KIFAP3: variants seen among roughly 807,000 people sequenced by gnomAD.
KIFAP3 encodes the protein kinesin associated protein 3.
A neutral mutation model predicts 106.5 loss-of-function variants in KIFAP3; 68 were observed. The observed-to-expected ratio is 0.64, with a 90% CI of 0.53 to 0.78. KIFAP3 has a LOEUF of 0.78. Ranked by LOEUF, KIFAP3 falls within the 30% of genes least tolerant of loss-of-function variation. The probability of loss-of-function intolerance (pLI) is 0.00; values close to 1 mark genes in which losing one functional copy is unlikely to be tolerated. For synonymous variants in KIFAP3, 320 were observed against 311.5 expected, an observed-to-expected ratio of 1.03 and a Z score of -0.29; for missense variants, 780 against 941.8, an observed-to-expected ratio of 0.83 and a Z score of 2.25.
In KIFAP3 at chr1:169,982,774, G is replaced by A; in HGVS notation, c.1600C>T (p.Pro534Ser). ...CLGTLANLTI[P>S]DLDWELVLKE... Reference sequence around the variant, plus strand: ...AGAACCAATTCCCAGTCTAAGTCTGGAATGGTCAAGTTTGCAAGAGTTCCC... The same window carrying A: ...AGAACCAATTCCCAGTCTAAGTCTGAAATGGTCAAGTTTGCAAGAGTTCCC... The change falls in exon 14 of 20, where the codon CCA (proline) becomes TCA (serine). Residue 534 changes from proline to serine, a missense_variant. By Grantham distance (74) the Pro-to-Ser change is moderately conservative (BLOSUM62 -1). Coordinates refer to ENST00000361580, the MANE Select transcript of KIFAP3 (RefSeq NM_014970.4). 1 of 1,609,566 alleles carries A rather than the reference G, an allele frequency of 6.2e-7. No homozygotes were observed. Among genetic ancestry groups the A allele is most frequent in the Non-Finnish European group, 8.5e-7 (1 of 1,176,982 alleles).
At chr1:170,057,765 T>A (rs1434415135) in intron 1 of KIFAP3, among the ~76,000 whole-genome samples, 8 of 151,930 alleles carry the variant, frequency 5.3e-5, no homozygotes, top group African/African-American at 1.7e-4. Flanking sequence ...ATTAATTAGA[T>A]GAAAAAAATT....
Position 170,065,102 on chromosome 1 carries a change from G to A in KIFAP3, c.32+9334C>T, listed in dbSNP as rs181104100. 1.8e-3 allele frequency among the ~76,000 whole-genome samples: 278 copies of A among 152,222 alleles called. 1 individual carries two copies. Among genetic ancestry groups the A allele is most frequent in the African/African-American group, 6.5e-3 (271 of 41,526 alleles). On this transcript the variant is annotated intron_variant, in intron 1 of 19. Coordinates refer to ENST00000361580, the MANE Select transcript of KIFAP3 (RefSeq NM_014970.4). ...AATTTGACTTTAAAACTGTCTGGAT[G>A]TAGCAGATTTTATCAGTATGAAATA...
chr1:169,957,257 C>A (rs1665065270), intron 18 of KIFAP3, among the ~76,000 whole-genome samples: 1 of 152,026 alleles, frequency 6.6e-6, no homozygotes, highest in Non-Finnish European at 1.5e-5. Context: ...ATTTAAATGA[C>A]CAGAGAACAA....
At chr1:169,936,641 A>G (rs1347315161) in intron 19 of KIFAP3, among the ~76,000 whole-genome samples, 2 of 151,742 alleles carry the variant, frequency 1.3e-5, no homozygotes, top group African/African-American at 4.8e-5. Context: ...AAGAAAATTC[A>G]CATTCTCTAA....
intron 17 of KIFAP3, among the ~76,000 whole-genome samples, chr1:169,964,621 C>G (rs1200237315): frequency 6.6e-6 from 1 of 152,104 alleles, no homozygotes; most frequent in Non-Finnish European, 1.5e-5. Context: ...CAATCATGCT[C>G]TCACTGAGCT....
rs142232277 is a variant in KIFAP3, at chr1:170,014,971, C to T, written c.1183+1491G>A. Among the ~76,000 whole-genome samples the T allele has an allele frequency of 3.1e-3, 472 of 152,180 alleles. 16 individuals are homozygous for T. The South Asian group carries it at 0.058, about 19-fold the overall frequency. Reference sequence around the variant, plus strand: ...AGTAACAAAGAGTTTGCATAACTTGCCCAAGGTCACATGGTTAGATGTAAA... The same window carrying T: ...AGTAACAAAGAGTTTGCATAACTTGTCCAAGGTCACATGGTTAGATGTAAA... On this transcript the variant is annotated intron_variant, in intron 10 of 19. Transcript: ENST00000361580.
chr1:169,941,876 T>A (rs1186700949), intron 19 of KIFAP3, among the ~76,000 whole-genome samples: 1 of 152,216 alleles, frequency 6.6e-6, no homozygotes, highest in Non-Finnish European at 1.5e-5. Context: ...AAAATAAATA[T>A]GATTCTTTAT....
chr1:170,058,856 A>G (rs1178856839), intron 1 of KIFAP3, among the ~76,000 whole-genome samples: 1 of 152,068 alleles, frequency 6.6e-6, no homozygotes, highest in Non-Finnish European at 1.5e-5. Context: ...ATTATTTAGT[A>G]GTCCATTCCC....
At chr1:170,073,073 T>C (rs1671777852) in intron 1 of KIFAP3, among the ~76,000 whole-genome samples, 1 of 152,178 alleles carries the variant, frequency 6.6e-6, no homozygotes, top group African/African-American at 2.4e-5. Flanking sequence ...GACACAAATA[T>C]ATTACATGAA....
chr1:170,062,138 T>G (rs889216346), intron 1 of KIFAP3, among the ~76,000 whole-genome samples: 17 of 150,784 alleles, frequency 1.1e-4, no homozygotes, highest in Non-Finnish European at 4.4e-5. Context: ...GTTGTGCACA[T>G]GTACCCTAGA....
intron 1 of KIFAP3, among the ~76,000 whole-genome samples, chr1:170,069,830 A>T (rs1180477621): frequency 3.1e-5 from 2 of 63,848 alleles, no homozygotes; most frequent in African/African-American, 7.0e-5. Context: ...GCAATGAGGC[A>T]TGGGAAAAAA....
chr1:169,956,145 C>T (rs193056574), intron 18 of KIFAP3, among the ~76,000 whole-genome samples: 1 of 151,978 alleles, frequency 6.6e-6, no homozygotes, highest in East Asian at 1.9e-4. Context: ...TTTAGAGGAA[C>T]AAAGCTAAGT....
chr1:170,027,620 G>A (rs2102031950), intron 8 of KIFAP3, among the ~76,000 whole-genome samples: 1 of 152,128 alleles, frequency 6.6e-6, no homozygotes, highest in Non-Finnish European at 1.5e-5. Context: ...TGAAACTGAA[G>A]ACATAATCAC....
At chr1:169,977,988 C>T (rs1022716495) in intron 16 of KIFAP3, 97 bp downstream of exon 16, 21 of 754,956 alleles carry the variant, frequency 2.8e-5, no homozygotes, top group Middle Eastern at 2.8e-4. Flanking sequence ...GTGTTTTCTA[C>T]GTTATTTCAA....
chr1:170,010,321 T>C (rs1019803611), intron 10 of KIFAP3, among the ~76,000 whole-genome samples: 1 of 151,948 alleles, frequency 6.6e-6, no homozygotes, highest in African/African-American at 2.4e-5. Context: ...AGATAGAAAA[T>C]TTAAAATAAT....
At chr1:170,026,457 T>C (rs761231775) in intron 8 of KIFAP3, among the ~76,000 whole-genome samples, 13 of 152,216 alleles carry the variant, frequency 8.5e-5, no homozygotes, top group Non-Finnish European at 1.9e-4. Context: ...GATAGTCCTA[T>C]GTTTGCCCTA....
At chr1:170,038,193 GAAAT>G (rs1669783031) in intron 5 of KIFAP3, 93 bp downstream of exon 5, 2 of 948,732 alleles carry the variant, frequency 2.1e-6, no homozygotes, top group Non-Finnish European at 3.0e-6. Flanking sequence ...GAGTAAGAAA[GAAAT>G]AAAGAGCTGG....
At chr1:169,969,987 T>C (rs1558206465) in intron 17 of KIFAP3, among the ~76,000 whole-genome samples, 1 of 152,150 alleles carries the variant, frequency 6.6e-6, no homozygotes, top group East Asian at 1.9e-4. Context: ...CAGGGGAGGA[T>C]TTCTGAGGTT....
intron 10 of KIFAP3, among the ~76,000 whole-genome samples, chr1:170,004,620 T>G (rs1020569151): frequency 3.9e-5 from 6 of 152,238 alleles, no homozygotes; most frequent in Non-Finnish European, 5.9e-5. Flanking sequence ...GATTCCCTAT[T>G]TAATAAATGG....
Sources: allele counts gnomAD v4.1 joint callset (sites outside exome capture counted in the v4.1 genomes callset), GRCh38; gene constraint gnomAD v4.1.1; transcripts MANE v1.5; gene names NCBI Gene and HGNC (gene_info 2026-07-23, HGNC 2026-07-21).